The following STAG2 variants were observed in gnomAD, a reference collection of about 807,000 sequenced individuals.
STAG2 encodes STAG2 cohesin complex component.
In STAG2, 14 loss-of-function variants were observed where a neutral mutation model predicts 108.1. The ratio of observed to expected loss-of-function variants is 0.13; its 90% CI spans 0.09 to 0.20. The LOEUF is 0.20. Among genes scored for constraint, STAG2 ranks in the 10% least tolerant of loss-of-function variants. The pLI is 1.00. For synonymous variants in STAG2, 307 were observed against 302.7 expected (o/e 1.01, Z -0.15); for missense variants, 440 against 940.9 (o/e 0.47, Z 6.96).
At position 124,061,743 on chromosome X, in the gene STAG2, C is replaced by CTTTTTTTTTT. The variant is rs36097834; in HGVS notation, c.1535-12_1535-3dup. Reference sequence around the variant, plus strand: ...GAAGAAATAAGCTAACTCTTTCTGACTTTTTTTTTTTTTTTTTTTTTTTTT... The same window carrying CTTTTTTTTTT: ...GAAGAAATAAGCTAACTCTTTCTGACTTTTTTTTTTTTTTTTTTTTTTTTTTTTTTTTTTT... On this transcript the variant is annotated intron_variant, in intron 16 of 34. Coordinates refer to ENST00000371145, the MANE Select transcript of STAG2 (RefSeq NM_001042750.2). The CTTTTTTTTTT allele has an allele frequency of 5.1e-5, 24 of 474,385 alleles. 1 individual carries two copies. The highest frequency in any genetic ancestry group is 6.6e-4 in the Middle Eastern group (1 of 1,525). The allele number at this position is 474,385 out of a possible 1,213,427, so 39.1% of individuals were successfully genotyped here.
chrX:124,086,841 C>G lies in STAG2; in HGVS notation c.3277+71C>G, dbSNP rs762391901. 6.0e-5 allele frequency: 51 copies of G among 855,794 alleles called. No individual in the cohort carries two copies. In the South Asian group the frequency reaches 1.3e-3, roughly 22 times the overall value. 70.5% of individuals were successfully genotyped at this position (855,794 alleles called of 1,213,427 possible). A position where few individuals can be genotyped will look rare whatever the true frequency, so the allele number is the denominator to read the frequency against. ...CAACTGAATTGTCATTAAGGTTCACCTTATTTTTTATTTGAGATGTGTTCA... is the reference window on the plus strand; with the variant it reads ...CAACTGAATTGTCATTAAGGTTCACGTTATTTTTTATTTGAGATGTGTTCA... On this transcript the variant is annotated intron_variant, in intron 30 of 34. Transcript: ENST00000371145.
intron 26 of STAG2, 95 bp from the exon 27 acceptor site, chrX:124,077,862 A>C (rs2148413259): frequency 2.0e-6 from 1 of 496,092 alleles, no homozygotes; most frequent in South Asian, 4.8e-5. Flanking sequence ...CTAAATACAT[A>C]CTTTGTGACG....
Position 124,100,660 on chromosome X carries a change from TGTG to T in STAG2, c.*66_*68del. 1.1e-6 allele frequency: 1 copy of T among 933,653 alleles called. No individual in the cohort carries two copies. Among genetic ancestry groups the T allele is most frequent in the Non-Finnish European group, 1.5e-6 (1 of 649,424 alleles). 76.9% of individuals were successfully genotyped at this position (933,653 alleles called of 1,213,427 possible). The stretch of plus-strand genomic sequence containing the variant: ...CTAAGTGGAAGAGGAAATTTTAAAG[TGTG>T]GTAGATACAGTGAAATTCTGTACAG... On this transcript the variant is annotated 3_prime_UTR_variant, in exon 35 of 35. Coordinates refer to ENST00000371145, the MANE Select transcript of STAG2 (RefSeq NM_001042750.2).
intron 1 of STAG2, chrX:123,963,320 G>C (rs1394461176): frequency 9.0e-6 from 1 of 111,247 alleles, no homozygotes; most frequent in Non-Finnish European, 1.9e-5. Flanking sequence ...AGCGCGTTGC[G>C]TTTAAGGGTA....
In STAG2 at chrX:124,056,147, A is replaced by G. The variant is rs749389623; in HGVS notation, c.1216A>G (p.Thr406Ala). 1 of 1,202,690 alleles carries G rather than the reference A, an allele frequency of 8.3e-7. No individual in the cohort carries two copies. Among genetic ancestry groups the G allele is most frequent in the South Asian group, 1.8e-5 (1 of 55,193 alleles). The change falls in exon 14 of 35, where the codon ACT (threonine) becomes GCT (alanine). Residue 406 changes from threonine (T) to alanine (A), a missense_variant. Physicochemically the swap from Thr to Ala is moderately conservative, Grantham distance 58 (BLOSUM62 0). Around this residue, in one of 3 missense-constraint regions of STAG2, gnomAD observed 337 missense variants for 649.3 expected, o/e 0.52. Coordinates refer to ENST00000371145, the MANE Select transcript of STAG2 (RefSeq NM_001042750.2). ...TCTTAGGAGTAGTGAAGAAGTTCTC[A>G]CTGCAGAAGATTGTGAAAATGTCTA... ...LVLQSSEEVL[T>A]AEDCENVYHL...
chrX:124,010,802 A>C (rs1351860537), intron 1 of STAG2, among the ~76,000 whole-genome samples: 1 of 111,995 alleles, frequency 8.9e-6, no homozygotes, highest in Non-Finnish European at 1.9e-5. Context: ...GACTTTCTCT[A>C]AAATGCTTTG....
intron 1 of STAG2, among the ~76,000 whole-genome samples, chrX:124,009,443 G>GTAGGTAGGTAGA (rs1556479689): frequency 1.4e-4 from 9 of 63,602 alleles, no homozygotes; most frequent in African/African-American, 5.5e-4. Flanking sequence ...AGGTAGGTAG[G>GTAGGTAGGTAGA]TAGATAGATA....
chrX:124,097,046 A>G (rs886097396), intron 34 of STAG2, among the ~76,000 whole-genome samples: 1 of 109,710 alleles, frequency 9.1e-6, no homozygotes, highest in Non-Finnish European at 1.9e-5. Context: ...GGGCATGAAG[A>G]TGCATACCTG....
intron 6 of STAG2, among the ~76,000 whole-genome samples, chrX:124,040,907 C>T (rs2057695968): frequency 1.1e-5 from 1 of 88,446 alleles, no homozygotes; most frequent in Non-Finnish European, 2.1e-5. Flanking sequence ...TGCCCAGGCT[C>T]TGGAGTGCAG....
intron 30 of STAG2, among the ~76,000 whole-genome samples, chrX:124,087,291 GACTCCTAGC>G (rs1438156189): frequency 8.9e-6 from 1 of 112,037 alleles, no homozygotes; most frequent in Non-Finnish European, 1.9e-5. Context: ...GAAGCTCTTA[GACTCCTAGC>G]ACTCCAGAGT....
chrX:124,068,507 G>T, intron 23 of STAG2, 57 bp from the exon 24 acceptor site: 2 of 812,385 alleles, frequency 2.5e-6, no homozygotes, highest in South Asian at 5.6e-5. Context: ...ACATTTTAAA[G>T]AAATGCTGAA....
At position 124,001,151 on chromosome X, in the gene STAG2, C is replaced by T. The variant is rs111617504; in HGVS notation, c.-162-20216C>T. On this transcript the variant is annotated intron_variant, in intron 1 of 34. Transcript: ENST00000371145. ...TGTCACCCAGGCTGGAGTGCAGTGG[C>T]GCAATCTTGGCTCACTGCAACCTCG... Among the ~76,000 whole-genome samples the T allele has an allele frequency of 5.0e-3, 553 of 110,930 alleles. 2 individuals are homozygous for T. Among genetic ancestry groups the T allele is most frequent in the African/African-American group, 0.017 (517 of 30,516 alleles).
intron 23 of STAG2, among the ~76,000 whole-genome samples, chrX:124,067,416 G>A (rs979851218): frequency 1.8e-5 from 2 of 109,063 alleles, no homozygotes; most frequent in African/African-American, 6.7e-5. Context: ...CTGCAGTCAT[G>A]CATCTCCACG....
At chrX:123,988,412 CT>C (rs1226089367) in intron 1 of STAG2, among the ~76,000 whole-genome samples, 237 of 103,408 alleles carry the variant, frequency 2.3e-3, no homozygotes, top group African/African-American at 6.9e-3. Context: ...TCTTAATGGA[CT>C]TTTTTTTTTT....
At chrX:123,999,912 C>G (rs1019902611) in intron 1 of STAG2, among the ~76,000 whole-genome samples, 4 of 109,010 alleles carry the variant, frequency 3.7e-5, no homozygotes, top group African/African-American at 1.3e-4. Flanking sequence ...CCCTGCCCGG[C>G]CATAGTTTTT....
At chrX:123,988,026 T>C (rs2055280112) in intron 1 of STAG2, among the ~76,000 whole-genome samples, 1 of 111,713 alleles carries the variant, frequency 9.0e-6, no homozygotes, top group African/African-American at 3.3e-5. Flanking sequence ...GGAAGGAAAA[T>C]GAAAATAGGT....
intron 13 of STAG2, among the ~76,000 whole-genome samples, chrX:124,053,927 A>G (rs182552130): frequency 8.3e-4 from 93 of 112,580 alleles, no homozygotes; most frequent in Non-Finnish European, 3.0e-4. Flanking sequence ...TTATTGACAG[A>G]AAAGTATGAA....
In STAG2 at chrX:124,078,022, T is replaced by C; in HGVS notation, c.2739T>C (p.Ile913=). 1 of 1,197,329 alleles carries C rather than the reference T, an allele frequency of 8.4e-7. No homozygotes were observed. Among genetic ancestry groups the C allele is most frequent in the Non-Finnish European group, 1.1e-6 (1 of 889,781 alleles). Residue 913 remains isoleucine (I), a synonymous_variant, in exon 27 of 35, where the codon ATT becomes ATC. Coordinates refer to ENST00000371145, the MANE Select transcript of STAG2 (RefSeq NM_001042750.2). ...TMSKTRQIDK[I]QCAKTLILSL... Reference sequence around the variant, plus strand: ...GTAAAACAAGGCAGATAGACAAAATTCAGTGTGCTAAGACCCTTATTCTCA... The same window carrying C: ...GTAAAACAAGGCAGATAGACAAAATCCAGTGTGCTAAGACCCTTATTCTCA...
chrX:124,084,063 A>C (rs1347390045), intron 29 of STAG2, among the ~76,000 whole-genome samples: 1 of 112,048 alleles, frequency 8.9e-6, no homozygotes, highest in African/African-American at 3.2e-5. Flanking sequence ...AATAATAGTG[A>C]CTTATAAAAG....
Sources: gnomAD v4.1 joint callset for allele counts (sites outside exome capture counted in the v4.1 genomes callset) on GRCh38, gnomAD v4.1.1 for gene constraint, gnomAD v4.1.1 regional missense constraint, MANE v1.5 for transcripts, NCBI Gene and HGNC (gene_info 2026-07-23, HGNC 2026-07-21) for gene names.